The following GRIN3B variants were observed in gnomAD, a reference collection of about 807,000 sequenced individuals.
GRIN3B encodes glutamate ionotropic receptor NMDA type subunit 3B, also known as glutamate receptor ionotropic, NMDA 3B.
A neutral mutation model predicts 66.0 loss-of-function variants in GRIN3B; 77 were observed. The ratio of observed to expected loss-of-function variants is 1.17; its 90% CI spans 0.97 to 1.41. The LOEUF (loss-of-function observed/expected upper bound fraction) is 1.41. Ranked by LOEUF, GRIN3B falls within the 40% of genes most tolerant of loss-of-function variation. The probability of loss-of-function intolerance (pLI) is 0.00; values close to 1 mark genes in which losing one functional copy is unlikely to be tolerated. For missense variants in GRIN3B, 1,787 were observed against 1,564.5 expected (o/e 1.14, Z -2.40); for synonymous variants, 823 against 749.7 (o/e 1.10, Z -1.60).
chr19:1,009,249 G>T lies in GRIN3B; in HGVS notation c.2779G>T (p.Ala927Ser). The T allele has an allele frequency of 1.4e-6, 2 of 1,438,164 alleles. No homozygotes were observed. Among genetic ancestry groups the T allele is most frequent in the Non-Finnish European group, 1.8e-6 (2 of 1,107,522 alleles). The allele number at this position is 1,438,164 out of a possible 1,614,324, so 89.1% of individuals were successfully genotyped here. ...APEGWKRARR[A>S]VDKERRVRFL... Reference sequence around the variant, plus strand: ...GGAGGGCTGGAAACGGGCGCGCCGGGCCGTGGACAAGGAGCGCCGCGTGCG... The same window carrying T: ...GGAGGGCTGGAAACGGGCGCGCCGGTCCGTGGACAAGGAGCGCCGCGTGCG... The change falls in exon 9 of 9, where the codon GCC (alanine) becomes TCC (serine). Residue 927 changes from alanine (A) to serine (S), a missense_variant. Ala to Ser is a moderately conservative substitution (Grantham distance 99). Coordinates refer to ENST00000234389, the MANE Select transcript of GRIN3B (RefSeq NM_138690.3).
In GRIN3B at chr19:1,007,799, GGGGCGGGGCGTGGGGT is replaced by G; in HGVS notation, c.2198+37_2199-31del. On this transcript the variant is annotated intron_variant, in intron 4 of 8. Transcript: ENST00000234389. The surrounding 1 kb of genome is among the most constrained non-coding windows in gnomAD (Gnocchi z 4.4). ...GTGAGCCCGGGCGCGGGGTGAGGCG[GGGGCGGGGCGTGGGGT>G]GGGCGGGGCGATGGCTGACCCCCGC... is the stretch of plus-strand genomic sequence containing the variant. 6.6e-7 allele frequency: 1 copy of G among 1,516,156 alleles called. No homozygotes were observed. Among genetic ancestry groups the G allele is most frequent in the Non-Finnish European group, 8.8e-7 (1 of 1,131,620 alleles). The allele number at this position is 1,516,156 out of a possible 1,614,324, so 93.9% of individuals were successfully genotyped here.
rs1198284575 is a variant in GRIN3B, at chr19:1,003,617, G to A, written c.914G>A (p.Gly305Asp). ...DIVQLVARAL[G>D]SAAQVQPKRA... The stretch of plus-strand genomic sequence containing the variant: ...GTGCAACTGGTGGCCCGGGCGCTGG[G>A]CAGTGCGGCCCAGGTGCAGCCGAAG... The change falls in exon 2 of 9, where the codon GGC becomes GAC. Residue 305 changes from glycine (G) to aspartate (D), a missense_variant. By Grantham distance (94) the Gly-to-Asp change is moderately conservative. Transcript: ENST00000234389. 1 of 1,448,626 alleles carries A rather than the reference G, an allele frequency of 6.9e-7. No individual in the cohort carries two copies. Among genetic ancestry groups the A allele is most frequent in the Admixed American group, 2.6e-5 (1 of 38,982 alleles). The allele number at this position is 1,448,626 out of a possible 1,614,324, so 89.7% of individuals were successfully genotyped here. A position where few individuals can be genotyped will look rare whatever the true frequency, so the allele number is the denominator to read the frequency against.
rs2038734186 is a variant in GRIN3B, at chr19:1,005,230, A to G, written c.1729A>G (p.Thr577Ala). Residue 577 changes from threonine to alanine, a missense_variant, in exon 3 of 9, where the codon ACG becomes GCG. Coordinates refer to ENST00000234389, the MANE Select transcript of GRIN3B (RefSeq NM_138690.3). This position sits in a 1 kb window ranked among gnomAD's most constrained non-coding sequence, Gnocchi z 5.2. ...GAFMWPLHWS[T>A]WLGVFAALHL... Reference sequence around the variant, plus strand: ...CTTTATGTGGCCCCTGCACTGGTCCACGTGGCTGGGCGTCTTTGCGGCCCT... The same window carrying G: ...CTTTATGTGGCCCCTGCACTGGTCCGCGTGGCTGGGCGTCTTTGCGGCCCT... The G allele has an allele frequency of 6.2e-7, 1 of 1,613,392 alleles. No individual in the cohort carries two copies.
At position 1,003,246 on chromosome 19, in the gene GRIN3B, T is replaced by G. The variant is rs1402512545; in HGVS notation, c.543T>G (p.Thr181=). ...WEDVGLALCR[T]QDPGGLVALW... ...ACGTCGGCCTGGCCCTGTGCCGCAC[T>G]CAGGACCCCGGCGGCCTGGTGGCCC... The change falls in exon 2 of 9, where the codon ACT becomes ACG. Residue 181 remains threonine, a synonymous_variant. Transcript: ENST00000234389. 1.1e-5 allele frequency: 18 copies of G among 1,576,474 alleles called. No individual in the cohort carries two copies. Among genetic ancestry groups the G allele is most frequent in the Non-Finnish European group, 1.3e-5 (15 of 1,162,820 alleles).
Position 1,004,770 on chromosome 19 carries a change from G to A in GRIN3B, c.1269G>A (p.Leu423=), listed in dbSNP as rs763684321. Residue 423 remains leucine, a synonymous_variant, in exon 3 of 9, where the codon TTG becomes TTA. Coordinates refer to ENST00000234389, the MANE Select transcript of GRIN3B (RefSeq NM_138690.3). ...CCAAGCTGCGTGTGGTAACGCTGTT[G>A]GAACACCCATTTGTGTTTGCCCGTG... ...VWPKLRVVTL[L]EHPFVFARDP... 3 of 1,612,522 alleles carry A rather than the reference G, an allele frequency of 1.9e-6. No homozygotes were observed. The highest frequency in any genetic ancestry group is 2.5e-6 in the Non-Finnish European group (3 of 1,179,362).
intron 3 of GRIN3B, among the ~76,000 whole-genome samples, chr19:1,006,369 A>G (rs2038748967): frequency 6.7e-6 from 1 of 148,290 alleles, no homozygotes; most frequent in African/African-American, 2.5e-5. Context: ...CTGGTCTCGA[A>G]CCCCTGACCT....
rs899184651 is a variant in GRIN3B, at chr19:1,009,462, CGCCAGGCCCTGGTGCGGCGCG to C, written c.2998_3018del (p.Ala1000_Gln1006del). 1 of 1,477,986 alleles carries C rather than the reference CGCCAGGCCCTGGTGCGGCGCG, an allele frequency of 6.8e-7. No homozygotes were observed. Among genetic ancestry groups the C allele is most frequent in the African/African-American group, 1.5e-5 (1 of 68,064 alleles). The allele number at this position is 1,477,986 out of a possible 1,614,324, so 91.6% of individuals were successfully genotyped here. A position where few individuals can be genotyped will look rare whatever the true frequency, so the allele number is the denominator to read the frequency against. ...CATCGAAGTCGCGCGTGAGCGGCTC[CGCCAGGCCCTGGTGCGGCGCG>C]GCCAGCTCCTGGCACAGCTCGGGGA... On this transcript the variant is annotated inframe_deletion, in exon 9 of 9. Coordinates refer to ENST00000234389, the MANE Select transcript of GRIN3B (RefSeq NM_138690.3).
intron 1 of GRIN3B, among the ~76,000 whole-genome samples, chr19:1,001,730 G>A (rs538083989): frequency 2.6e-4 from 40 of 152,166 alleles, no homozygotes; most frequent in Non-Finnish European, 4.4e-4. Context: ...GACGCTAGAG[G>A]GGGGGTCTCT....
Position 1,008,778 on chromosome 19 carries a change from G to C in GRIN3B, c.2627G>C (p.Ser876Thr). 6.2e-7 allele frequency: 1 copy of C among 1,601,438 alleles called. No individual in the cohort carries two copies. Among genetic ancestry groups the C allele is most frequent in the Non-Finnish European group, 8.5e-7 (1 of 1,174,896 alleles). Residue 876 changes from serine to threonine, a missense_variant, in exon 7 of 9, where the codon AGC (serine) becomes ACC (threonine). Coordinates refer to ENST00000234389, the MANE Select transcript of GRIN3B (RefSeq NM_138690.3). ...AGGCTGCAGTACTGGCTGCACACCAGCCAGGTGGGGAGCGGGTGGGCGGCG... is the reference window on the plus strand; with the variant it reads ...AGGCTGCAGTACTGGCTGCACACCACCCAGGTGGGGAGCGGGTGGGCGGCG... ...GSRLQYWLHT[S>T]QKIHRALNTE...
Position 1,009,633 on chromosome 19 carries a change from A to G in GRIN3B, c.*31A>G. 7.2e-7 allele frequency: 1 copy of G among 1,386,536 alleles called. No individual in the cohort carries two copies. Among genetic ancestry groups the G allele is most frequent in the Non-Finnish European group, 9.3e-7 (1 of 1,072,954 alleles). The allele number at this position is 1,386,536 out of a possible 1,614,324, so 85.9% of individuals were successfully genotyped here. A position where few individuals can be genotyped will look rare whatever the true frequency, so the allele number is the denominator to read the frequency against. ...CAGCCGGGCCGTTTGGGCTCAAGAC[A>G]CACACACAGCGCAGTGAGCCGCTGT... On this transcript the variant is annotated 3_prime_UTR_variant, in exon 9 of 9. Transcript: ENST00000234389.
rs777712343 is a variant in GRIN3B at position 1,005,241 on chromosome 19, C to T, written c.1740C>T (p.Gly580=). Residue 580 remains glycine (G), a synonymous_variant, in exon 3 of 9, where the codon GGC becomes GGT. Transcript: ENST00000234389. The surrounding 1 kb of genome is among the most constrained non-coding windows in gnomAD (Gnocchi z 5.2). ...MWPLHWSTWL[G]VFAALHLTAL... ...CCCTGCACTGGTCCACGTGGCTGGG[C>T]GTCTTTGCGGCCCTGCACCTCACCG... 18 of 1,613,236 alleles carry T rather than the reference C, an allele frequency of 1.1e-5. No homozygotes were observed. Among genetic ancestry groups the T allele is most frequent in the African/African-American group, 8.0e-5 (6 of 74,902 alleles).
rs768870816 is a variant in GRIN3B at position 1,004,653 on chromosome 19, C to T, written c.1152C>T (p.Ala384=). Residue 384 remains alanine (A), a synonymous_variant, in exon 3 of 9, where the codon GCC becomes GCT. Coordinates refer to ENST00000234389, the MANE Select transcript of GRIN3B (RefSeq NM_138690.3). ...ACCCACGGGGCGCCCCGGCCTGGGC[C>T]ACGGTGGGCAGCTGGCGGGACGGCC... The part of the protein sequence containing the change: ...RRDPRGAPAW[A]TVGSWRDGQL... The T allele has an allele frequency of 3.1e-6, 5 of 1,599,696 alleles. No individual in the cohort carries two copies. In the South Asian group the frequency reaches 5.6e-5, roughly 18 times the overall value.
rs774904206 is a variant in GRIN3B at position 1,008,188 on chromosome 19, CCGAGTT to C, written c.2365_2370del (p.Glu789_Phe790del). On this transcript the variant is annotated inframe_deletion, in exon 6 of 9. Coordinates refer to ENST00000234389, the MANE Select transcript of GRIN3B (RefSeq NM_138690.3). ...AACTCGCCGCTCACCTCCAACCTGT[CCGAGTT>C]CATCAGCCGCTACAAGTCCTCCGGC... 6.2e-7 allele frequency: 1 copy of C among 1,610,318 alleles called. No individual in the cohort carries two copies. Among genetic ancestry groups the C allele is most frequent in the South Asian group, 1.1e-5 (1 of 90,126 alleles).
In GRIN3B at chr19:1,003,638, C is replaced by T. The variant is rs2038708041; in HGVS notation, c.935C>T (p.Pro312Leu). Reference protein sequence around the residue: ...RALGSAAQVQPKRALLPAPVN... With the variant: ...RALGSAAQVQLKRALLPAPVN... ...CTGGGCAGTGCGGCCCAGGTGCAGC[C>T]GAAGCGAGCCCTCCTCCCCGCCCCG... The change falls in exon 2 of 9, where the codon CCG becomes CTG. Residue 312 changes from proline (P) to leucine (L), a missense_variant. Coordinates refer to ENST00000234389, the MANE Select transcript of GRIN3B (RefSeq NM_138690.3). 5.6e-6 allele frequency: 8 copies of T among 1,419,846 alleles called. No homozygotes were observed. The highest frequency in any genetic ancestry group is 1.5e-5 in the African/African-American group (1 of 66,314). The allele number at this position is 1,419,846 out of a possible 1,614,324, so 88.0% of individuals were successfully genotyped here.
Position 1,008,274 on chromosome 19 carries a change from G to A in GRIN3B, c.2449G>A (p.Val817Ile). ...WYKMVPCGKRVFAVTETLQMS... is the reference protein window; with the variant it reads ...WYKMVPCGKRIFAVTETLQMS... ...CAAGATGGTGCCTTGCGGCAAGCGG[G>A]TCTTTGCGGTTACAGAGGTGGGGCA... Residue 817 changes from valine (V) to isoleucine (I), a missense_variant, in exon 6 of 9, where the codon GTC (valine) becomes ATC (isoleucine). Physicochemically the swap from Val to Ile is conservative, Grantham distance 29. Coordinates refer to ENST00000234389, the MANE Select transcript of GRIN3B (RefSeq NM_138690.3). 9 of 1,440,082 alleles carry A rather than the reference G, an allele frequency of 6.2e-6. No homozygotes were observed. The highest frequency in any genetic ancestry group is 8.4e-6 in the Non-Finnish European group (9 of 1,074,094). 89.2% of individuals were successfully genotyped at this position (1,440,082 alleles called of 1,614,324 possible).
rs369365676 is a variant in GRIN3B, at chr19:1,003,292, C to T, written c.589C>T (p.Arg197Trp). ...GGCCCTCTGGACAAGCCGGGCTGGC[C>T]GGCCCCCACAGCTGGTCCTGGACCT... is the stretch of plus-strand genomic sequence containing the variant. ...LVALWTSRAG[R>W]PPQLVLDLSR... The change falls in exon 2 of 9, where the codon CGG becomes TGG. Residue 197 changes from arginine to tryptophan, a missense_variant. Physicochemically the swap from Arg to Trp is moderately radical, Grantham distance 101. Coordinates refer to ENST00000234389, the MANE Select transcript of GRIN3B (RefSeq NM_138690.3). The T allele has an allele frequency of 3.3e-4, 516 of 1,570,766 alleles. No individual in the cohort carries two copies. Among genetic ancestry groups the T allele is most frequent in the Non-Finnish European group, 4.2e-4 (485 of 1,160,170 alleles).
At chr19:1,003,833 T>A in intron 2 of GRIN3B, 111 bp downstream of exon 2, 1 of 826,816 alleles carries the variant, frequency 1.2e-6, no homozygotes, top group Non-Finnish European at 1.7e-6. Context: ...ACGCCTGTAA[T>A]CCCAGCACTT....
intron 2 of GRIN3B, among the ~76,000 whole-genome samples, chr19:1,004,047 C>G (rs769649326): frequency 1.3e-5 from 2 of 152,230 alleles, no homozygotes; most frequent in Non-Finnish European, 2.9e-5. Context: ...TGAGATCGCA[C>G]CACTGCACTC....
chr19:1,005,463 G>A lies in GRIN3B; in HGVS notation c.1962G>A (p.Leu654=). The change falls in exon 3 of 9, where the codon CTG becomes CTA. Residue 654 remains leucine, a synonymous_variant. Coordinates refer to ENST00000234389, the MANE Select transcript of GRIN3B (RefSeq NM_138690.3). The surrounding 1 kb of genome is among the most constrained non-coding windows in gnomAD (Gnocchi z 5.2). ...TGAACCTCTGGGCCATCTTCTGCCT[G>A]CTGGTGCTGTCCAGCTACACGGCCA... is the stretch of plus-strand genomic sequence containing the variant. ...LLMNLWAIFC[L]LVLSSYTANL... 6.2e-7 allele frequency: 1 copy of A among 1,613,446 alleles called. No homozygotes were observed. The highest frequency in any genetic ancestry group is 8.5e-7 in the Non-Finnish European group (1 of 1,179,972).
Sources: gnomAD v4.1 joint callset for allele counts (sites outside exome capture counted in the v4.1 genomes callset) on GRCh38, gnomAD v4.1.1 for gene constraint, Gnocchi (gnomAD v3.1) non-coding constraint, MANE v1.5 for transcripts, NCBI Gene and HGNC (gene_info 2026-07-23, HGNC 2026-07-21) for gene names.